CSMD3: variants seen among roughly 807,000 people sequenced by gnomAD.
The protein encoded by CSMD3 is CUB and sushi domain-containing protein 3.
Under a neutral mutation model 435.2 loss-of-function variants are expected in CSMD3, and 177 were observed. The ratio of observed to expected loss-of-function variants is 0.41; its 90% CI spans 0.36 to 0.46. CSMD3 has a LOEUF of 0.46. Ranked by LOEUF, CSMD3 falls within the 20% of genes least tolerant of loss-of-function variation. CSMD3 has a pLI of 0.34. For synonymous variants in CSMD3, 1,656 were observed against 1,520.5 expected, an observed-to-expected ratio of 1.09 and a Z score of -2.07; for missense variants, 4,265 against 4,504.6, an observed-to-expected ratio of 0.95 and a Z score of 1.52.
At chr8:113,287,254 T>G (rs2093653742) in intron 2 of CSMD3, among the ~76,000 whole-genome samples, 2 of 152,066 alleles carry the variant, frequency 1.3e-5, no homozygotes, top group Admixed American at 1.3e-4. Context: ...CTTATAATTT[T>G]TCTTTGGTTC....
intron 3 of CSMD3, among the ~76,000 whole-genome samples, chr8:113,208,859 T>C (rs754599125): frequency 1.3e-5 from 2 of 152,134 alleles, no homozygotes; most frequent in Non-Finnish European, 2.9e-5. Context: ...TACACTTAAG[T>C]TGATTTCCCT....
intron 41 of CSMD3, among the ~76,000 whole-genome samples, chr8:112,342,201 A>G (rs955736791): frequency 2.0e-5 from 3 of 152,120 alleles, no homozygotes; most frequent in African/African-American, 7.2e-5. Context: ...GTGCTCTTTC[A>G]GTGTTTTGCT....
At chr8:113,165,819 GA>G (rs34489080) in intron 4 of CSMD3, among the ~76,000 whole-genome samples, 5 of 151,894 alleles carry the variant, frequency 3.3e-5, no homozygotes, top group Admixed American at 3.3e-4. Flanking sequence ...AAGATGAGGG[GA>G]AAAAGTAAAT....
intron 12 of CSMD3, among the ~76,000 whole-genome samples, chr8:112,827,656 A>G (rs1250983287): frequency 6.6e-6 from 1 of 152,236 alleles, no homozygotes; most frequent in East Asian, 1.9e-4. Context: ...TTCAGTGTTT[A>G]TGAGTGTCAG....
At chr8:112,259,879 T>C (rs1177268734) in intron 61 of CSMD3, among the ~76,000 whole-genome samples, 1 of 152,188 alleles carries the variant, frequency 6.6e-6, no homozygotes, top group East Asian at 1.9e-4. Flanking sequence ...CAATTGTTTC[T>C]ATAACTAACT....
chr8:113,186,911 A>T (rs899304151), intron 3 of CSMD3, among the ~76,000 whole-genome samples: 3 of 151,812 alleles, frequency 2.0e-5, no homozygotes, highest in Non-Finnish European at 4.4e-5. Flanking sequence ...GAAAATGAAG[A>T]ATTTGTCCCT....
intron 10 of CSMD3, among the ~76,000 whole-genome samples, chr8:112,874,614 G>C (rs2081228698): frequency 6.6e-6 from 1 of 152,154 alleles, no homozygotes; most frequent in Admixed American, 6.5e-5. Flanking sequence ...ATTTAGGATA[G>C]TCAGCTCTTC....
intron 3 of CSMD3, among the ~76,000 whole-genome samples, chr8:113,261,436 C>A (rs1306839523): frequency 6.6e-6 from 1 of 152,062 alleles, no homozygotes; most frequent in East Asian, 1.9e-4. Flanking sequence ...TCCATTGTGA[C>A]CTCTTTTTAA....
chr8:112,533,251 T>C (rs1172726035), intron 27 of CSMD3, among the ~76,000 whole-genome samples: 1 of 151,850 alleles, frequency 6.6e-6, no homozygotes, highest in Non-Finnish European at 1.5e-5. Context: ...AGTAACAAAA[T>C]GACATTTGTA....
intron 13 of CSMD3, among the ~76,000 whole-genome samples, chr8:112,732,858 G>T (rs2077105294): frequency 6.6e-6 from 1 of 152,012 alleles, no homozygotes; most frequent in Admixed American, 6.6e-5. Flanking sequence ...GCAATCAAAA[G>T]AAATATTAAA....
At chr8:112,951,858 A>T (rs2083826161) in intron 8 of CSMD3, among the ~76,000 whole-genome samples, 3 of 151,350 alleles carry the variant, frequency 2.0e-5, no homozygotes, top group Non-Finnish European at 4.4e-5. Context: ...AGAGGAGCCT[A>T]CTAAAGAATT....
intron 21 of CSMD3, 110 bp downstream of exon 21, chr8:112,638,586 T>G: frequency 1.4e-6 from 1 of 717,316 alleles, no homozygotes. Context: ...TTTAAAATTT[T>G]TCTTCTCTCC....
intron 22 of CSMD3, among the ~76,000 whole-genome samples, chr8:112,607,524 T>G (rs1832894776): frequency 6.6e-6 from 1 of 151,922 alleles, no homozygotes; most frequent in African/African-American, 2.4e-5. Context: ...GACAAGATAC[T>G]ACCAAAAAAA....
chr8:113,340,601 ATGG>A (rs2094111689), intron 1 of CSMD3, among the ~76,000 whole-genome samples: 1 of 152,080 alleles, frequency 6.6e-6, no homozygotes, highest in Non-Finnish European at 1.5e-5. Context: ...TTTGCCAAGC[ATGG>A]TGGTGCACAC....
intron 13 of CSMD3, among the ~76,000 whole-genome samples, chr8:112,739,596 T>C (rs2077259636): frequency 6.6e-6 from 1 of 151,740 alleles, no homozygotes; most frequent in South Asian, 2.1e-4. Context: ...TTTAACTTCT[T>C]TGAGTAGAAA....
intron 11 of CSMD3, among the ~76,000 whole-genome samples, chr8:112,852,625 CAATT>C (rs2080523984): frequency 6.6e-6 from 1 of 151,822 alleles, no homozygotes; most frequent in Non-Finnish European, 1.5e-5. Context: ...CATCCATTAT[CAATT>C]AAGAAAAAAT....
At chr8:112,358,851 C>T (rs1292359523) in intron 38 of CSMD3, among the ~76,000 whole-genome samples, 1 of 152,126 alleles carries the variant, frequency 6.6e-6, no homozygotes, top group East Asian at 1.9e-4. Context: ...CCCCAAACCT[C>T]AGCATCATGC....
chr8:113,082,264 G>A (rs1019462789), intron 5 of CSMD3, among the ~76,000 whole-genome samples: 2 of 152,138 alleles, frequency 1.3e-5, no homozygotes, highest in African/African-American at 4.8e-5. Context: ...CCCACTGCTG[G>A]TCCTGTGCAT....
intron 2 of CSMD3, among the ~76,000 whole-genome samples, chr8:113,304,948 A>G (rs1303409919): frequency 1.3e-5 from 2 of 149,124 alleles, no homozygotes; most frequent in Non-Finnish European, 3.0e-5. Context: ...TGGCACATAT[A>G]CACCATGGAA....
Sources: allele counts gnomAD v4.1 joint callset (sites outside exome capture counted in the v4.1 genomes callset), GRCh38; gene constraint gnomAD v4.1.1; transcripts MANE v1.5; gene names NCBI Gene and HGNC (gene_info 2026-07-23, HGNC 2026-07-21).